Variants in KLHL29 observed in about 807,000 individuals in gnomAD.
KLHL29 encodes the protein kelch like family member 29.
KLHL29 carries 21 observed loss-of-function variants against 80.4 expected under a neutral mutation model. That is an observed-to-expected ratio of 0.26 (90% CI 0.19 to 0.38). KLHL29 has a LOEUF of 0.38. KLHL29 is among the 10% of genes least tolerant of loss of function. The pLI is 1.00. For missense variants in KLHL29, 867 were observed against 1,223.9 expected (o/e 0.71, Z 4.35); for synonymous variants, 511 against 526.8 (o/e 0.97, Z 0.41).
intron 2 of KLHL29, among the ~76,000 whole-genome samples, chr2:23,542,164 G>C (rs1666857448): frequency 6.6e-6 from 1 of 152,166 alleles, no homozygotes. Context: ...GTCTAAAATA[G>C]CCTCTCAGAA....
At chr2:23,548,666 G>C (rs919018984) in intron 2 of KLHL29, among the ~76,000 whole-genome samples, 2 of 152,214 alleles carry the variant, frequency 1.3e-5, no homozygotes, top group Non-Finnish European at 2.9e-5. Flanking sequence ...GCCCCCAGCC[G>C]ACCAGCAGTG....
intron 3 of KLHL29, among the ~76,000 whole-genome samples, chr2:23,605,773 G>GT (rs34164678): frequency 0.037 from 5,263 of 142,860 alleles, 115 homozygotes; most frequent in Middle Eastern, 0.092. Context: ...TGGGAAAACC[G>GT]TTTTTTTTTT....
chr2:23,636,229 G>A (rs564851495), intron 3 of KLHL29, among the ~76,000 whole-genome samples: 13 of 152,230 alleles, frequency 8.5e-5, no homozygotes, highest in Non-Finnish European at 1.8e-4. Context: ...CAGCCTCCTC[G>A]GCAAAGGGCA....
chr2:23,434,512 A>G (rs1353498331), intron 1 of KLHL29, among the ~76,000 whole-genome samples: 2 of 152,168 alleles, frequency 1.3e-5, no homozygotes, highest in African/African-American at 4.8e-5. Flanking sequence ...TGAGGCAGTC[A>G]GTCAATTACA....
chr2:23,591,554 C>G (rs1003327740), intron 3 of KLHL29, among the ~76,000 whole-genome samples: 2 of 151,796 alleles, frequency 1.3e-5, no homozygotes, highest in Non-Finnish European at 2.9e-5. Context: ...CTCCTTACCC[C>G]CCACAGCCAG....
At chr2:23,474,678 T>A (rs1176872863) in intron 1 of KLHL29, among the ~76,000 whole-genome samples, 1 of 152,146 alleles carries the variant, frequency 6.6e-6, no homozygotes, top group African/African-American at 2.4e-5. Flanking sequence ...ACTCGTTGCG[T>A]TGTCAGAGGG....
chr2:23,421,524 TTGTGTGTGTGTGTGTGTGTGTGTGTGTG>T lies in KLHL29; in HGVS notation c.-154+35758_-154+35785del, dbSNP rs57348539. ...GTCAGGAAGGAAGGTTTAGACAAGA[TTGTGTGTGTGTGTGTGTGTGTGTGTGTG>T]TGTGTGTGTGTGTCTGTAGCTGTGT... On this transcript the variant is annotated intron_variant, in intron 1 of 13. Coordinates refer to ENST00000486442, the MANE Select transcript of KLHL29 (RefSeq NM_052920.2). 1.6e-3 allele frequency among the ~76,000 whole-genome samples: 225 copies of T among 143,618 alleles called. 1 individual carries two copies. Among genetic ancestry groups the T allele is most frequent in the Middle Eastern group, 0.011 (3 of 264 alleles). The allele number at this position is 143,618 out of a possible 152,430, so 94.2% of individuals were successfully genotyped here.
chr2:23,550,071 C>T (rs1667083254), intron 2 of KLHL29, among the ~76,000 whole-genome samples: 1 of 152,020 alleles, frequency 6.6e-6, no homozygotes, highest in African/African-American at 2.4e-5. Flanking sequence ...GGTGTTTTTC[C>T]GTTTTATGGC....
intron 1 of KLHL29, among the ~76,000 whole-genome samples, chr2:23,421,680 T>G (rs1257321205): frequency 6.6e-6 from 1 of 150,884 alleles, no homozygotes; most frequent in African/African-American, 2.4e-5. Context: ...TGTTATATGT[T>G]GTGTGTGTGA....
chr2:23,655,209 T>C (rs189393508), intron 5 of KLHL29, among the ~76,000 whole-genome samples: 55 of 152,136 alleles, frequency 3.6e-4, no homozygotes, highest in African/African-American at 1.3e-3. Context: ...AGCTTGGGAG[T>C]CAGGCGGCCC....
At chr2:23,597,383 G>GTATATA (rs1558402790) in intron 3 of KLHL29, among the ~76,000 whole-genome samples, 5 of 23,578 alleles carry the variant, frequency 2.1e-4, no homozygotes, top group South Asian at 2.3e-3. Context: ...GTGTGTGTGT[G>GTATATA]TATATATATA....
chr2:23,387,824 G>A (rs1239838735), intron 1 of KLHL29, among the ~76,000 whole-genome samples: 1 of 152,208 alleles, frequency 6.6e-6, no homozygotes, highest in East Asian at 1.9e-4. Flanking sequence ...ACTAGCACAT[G>A]TGCCTTTTAA....
intron 1 of KLHL29, among the ~76,000 whole-genome samples, chr2:23,430,060 G>T (rs1336755414): frequency 6.6e-6 from 1 of 152,160 alleles, no homozygotes; most frequent in Non-Finnish European, 1.5e-5. Context: ...CTGGGGCTGG[G>T]ATTTGAACCC....
rs57931176 is a variant in KLHL29, at chr2:23,436,280, TTGTGTGTGTGTGTGTGTGTGTG to T, written c.-153-39250_-153-39229del. Among the ~76,000 whole-genome samples the T allele has an allele frequency of 9.1e-3, 1,253 of 137,040 alleles. 29 individuals are homozygous for T. The highest frequency in any genetic ancestry group is 0.033 in the African/African-American group (1,179 of 36,204). 89.9% of individuals were successfully genotyped at this position (137,040 alleles called of 152,430 possible). A position where few individuals can be genotyped will look rare whatever the true frequency, so the allele number is the denominator to read the frequency against. ...AAGAGAAGTAAATAGCCAATCAGCT[TTGTGTGTGTGTGTGTGTGTGTG>T]TGTGTGTGTGTGTGTGTGTGTGTGT... On this transcript the variant is annotated intron_variant, in intron 1 of 13. Transcript: ENST00000486442.
chr2:23,671,299 T>C (rs911347648), intron 5 of KLHL29, among the ~76,000 whole-genome samples: 3 of 152,062 alleles, frequency 2.0e-5, no homozygotes, highest in Non-Finnish European at 4.4e-5. Flanking sequence ...CATCTCCTTG[T>C]GGCTCTCTGC....
intron 1 of KLHL29, among the ~76,000 whole-genome samples, chr2:23,421,556 G>C (rs1050929927): frequency 2.8e-5 from 3 of 106,930 alleles, no homozygotes; most frequent in South Asian, 3.1e-4. Context: ...GTGTGTGTGT[G>C]TGTGTGTGTC....
intron 1 of KLHL29, among the ~76,000 whole-genome samples, chr2:23,431,767 G>A (rs1253661766): frequency 1.3e-5 from 2 of 151,564 alleles, no homozygotes; most frequent in Admixed American, 6.6e-5. Context: ...TGTGGCGGGC[G>A]CCTGTAGTCC....
intron 4 of KLHL29, among the ~76,000 whole-genome samples, chr2:23,641,388 C>T (rs912741075): frequency 2.6e-5 from 4 of 152,300 alleles, no homozygotes; most frequent in Admixed American, 6.5e-5. Flanking sequence ...CCTTTCCATA[C>T]GTCCCCCACC....
intron 3 of KLHL29, among the ~76,000 whole-genome samples, chr2:23,574,050 A>G (rs1267659958): frequency 1.3e-5 from 2 of 151,702 alleles, no homozygotes; most frequent in African/African-American, 4.8e-5. Flanking sequence ...GTGGATTTGA[A>G]CCTGGGCTGG....
Sources: gnomAD v4.1 joint callset for allele counts (sites outside exome capture counted in the v4.1 genomes callset) on GRCh38, gnomAD v4.1.1 for gene constraint, MANE v1.5 for transcripts, NCBI Gene and HGNC (gene_info 2026-07-23, HGNC 2026-07-21) for gene names.